Variants in HKDC1 observed in about 807,000 individuals in gnomAD.
HKDC1 encodes the protein hexokinase HKDC1.
HKDC1 carries 66 observed loss-of-function variants against 96.6 expected under a neutral mutation model. The ratio of observed to expected loss-of-function variants is 0.68; its 90% CI spans 0.56 to 0.84. HKDC1 has a LOEUF of 0.84. Ranked by LOEUF, HKDC1 falls within the 40% of genes least tolerant of loss-of-function variation. The pLI, the probability that HKDC1 is intolerant of heterozygous loss-of-function variation, is 0.00. For synonymous variants in HKDC1, 466 were observed against 473.1 expected, an observed-to-expected ratio of 0.98 and a Z score of 0.20; for missense variants, 1,211 against 1,208.1, an observed-to-expected ratio of 1.00 and a Z score of -0.04.
At chr10:69,265,564 T>C (rs1843882130) in intron 16 of HKDC1, 21 bp from the exon 17 acceptor site, 3 of 1,605,174 alleles carry the variant, frequency 1.9e-6, no homozygotes, top group Non-Finnish European at 2.6e-6. Flanking sequence ...AGGTCCTGAC[T>C]CCCTGCTCTA....
intron 5 of HKDC1, among the ~76,000 whole-genome samples, chr10:69,240,188 G>A (rs1843432177): frequency 6.6e-6 from 1 of 152,116 alleles, no homozygotes; most frequent in Non-Finnish European, 1.5e-5. Flanking sequence ...ATGTGTGCCT[G>A]TAGTCTCAGC....
chr10:69,226,502 A>T (rs879647451), intron 1 of HKDC1, among the ~76,000 whole-genome samples: 3 of 152,068 alleles, frequency 2.0e-5, no homozygotes, highest in East Asian at 1.9e-4. Context: ...AAAATAAAAA[A>T]AAATTAGTCG....
intron 4 of HKDC1, among the ~76,000 whole-genome samples, chr10:69,237,940 T>C (rs1843389220): frequency 6.6e-6 from 1 of 152,250 alleles, no homozygotes; most frequent in Non-Finnish European, 1.5e-5. Flanking sequence ...AGGAAGTTTG[T>C]GAGCCTGGGT....
intron 12 of HKDC1, among the ~76,000 whole-genome samples, chr10:69,254,630 A>AT (rs1479560509): frequency 6.6e-6 from 1 of 152,186 alleles, no homozygotes; most frequent in African/African-American, 2.4e-5. Flanking sequence ...AATAGAACTC[A>AT]TTTTATAGGT....
chr10:69,262,135 T>C (rs1238812324), intron 16 of HKDC1: 1 of 403,414 alleles, frequency 2.5e-6, no homozygotes, highest in South Asian at 1.9e-5. Flanking sequence ...ATTCCTGCAG[T>C]TATTAGCTGG....
In HKDC1 at chr10:69,232,808, C is replaced by T. The variant is rs374874844; in HGVS notation, c.271C>T (p.Arg91Ter). The part of the protein sequence containing the change: ...LSLDLGGSKF[R>*]VLKVQVAEEG... ...CCTGGATCTCGGAGGGTCCAAGTTC[C>T]GAGTGCTGAAGGTGCAAGTCGCTGA... Residue 91 changes from arginine (R) to a stop codon, truncating the protein, a stop_gained, in exon 3 of 18, where the codon CGA becomes TGA. Transcript: ENST00000354624. LOFTEE classifies it high-confidence loss of function. The T allele has an allele frequency of 1.1e-5, 17 of 1,613,916 alleles. No homozygotes were observed. The highest frequency in any genetic ancestry group is 6.7e-5 in the African/African-American group (5 of 74,892).
At chr10:69,257,691 G>GA (rs986003714) in intron 14 of HKDC1, among the ~76,000 whole-genome samples, 7 of 152,038 alleles carry the variant, frequency 4.6e-5, no homozygotes, top group African/African-American at 1.7e-4. Context: ...GTCATGGGGG[G>GA]GGGAAGGAGA....
chr10:69,240,752 G>A lies in HKDC1; in HGVS notation c.691+1G>A, dbSNP rs769623608. ...TACTGCGAAGTTGGTGTCATCATCG[G>A]TAACTCAATTGGACTGGTTTTTTGA... On this transcript the variant is annotated splice_donor_variant, in intron 6 of 17. Coordinates refer to ENST00000354624, the MANE Select transcript of HKDC1 (RefSeq NM_025130.4). LOFTEE classifies it high-confidence loss of function. 27 of 1,612,168 alleles carry A rather than the reference G, an allele frequency of 1.7e-5. No homozygotes were observed. Among genetic ancestry groups the A allele is most frequent in the Non-Finnish European group, 2.2e-5 (26 of 1,178,246 alleles).
intron 16 of HKDC1, among the ~76,000 whole-genome samples, chr10:69,264,975 G>C (rs959524748): frequency 2.0e-5 from 3 of 150,472 alleles, no homozygotes; most frequent in Non-Finnish European, 2.9e-5. Flanking sequence ...CCTTCTCTAA[G>C]GTTCTGATTG....
rs140884095 is a variant in HKDC1 at position 69,220,616 on chromosome 10, G to A, written c.63+118G>A. On this transcript the variant is annotated intron_variant, in intron 1 of 17. Transcript: ENST00000354624. ...GAGCTTATTAGAAAAGATACTGGGA[G>A]CATATGACCAGTAAAAGACTCACTG... 647 of 638,092 alleles carry A rather than the reference G, an allele frequency of 1.0e-3. 1 individual carries two copies. The highest frequency in any genetic ancestry group is 1.5e-3 in the Middle Eastern group (5 of 3,284). The allele number at this position is 638,092 out of a possible 1,614,324, so 39.5% of individuals were successfully genotyped here. A position where few individuals can be genotyped will look rare whatever the true frequency, so the allele number is the denominator to read the frequency against.
In HKDC1 at chr10:69,246,294, G is replaced by A. The variant is rs565031020; in HGVS notation, c.1031+60G>A. The A allele has an allele frequency of 3.8e-6, 6 of 1,578,250 alleles. No homozygotes were observed. The East Asian group carries it at 9.0e-5, about 24-fold the overall frequency. On this transcript the variant is annotated intron_variant, in intron 8 of 17. Coordinates refer to ENST00000354624, the MANE Select transcript of HKDC1 (RefSeq NM_025130.4). ...GCTGGGATGGGAGGCCCAGGTGTGG[G>A]GTGCTCCATGTGGTAGGACAGCAGG...
At chr10:69,238,977 T>C in intron 4 of HKDC1, 65 bp from the exon 5 acceptor site, 2 of 1,170,588 alleles carry the variant, frequency 1.7e-6, no homozygotes, top group Non-Finnish European at 2.5e-6. Flanking sequence ...GCATGAAGTT[T>C]CTGCGGCTCA....
In HKDC1 at chr10:69,243,303, G is replaced by A; in HGVS notation, c.813G>A (p.Glu271=). 6.2e-7 allele frequency: 1 copy of A among 1,613,500 alleles called. No homozygotes were observed. Among genetic ancestry groups the A allele is most frequent in the Non-Finnish European group, 8.5e-7 (1 of 1,179,720 alleles). The change falls in exon 7 of 18, where the codon GAG becomes GAA. Residue 271 remains glutamate, a synonymous_variant. Coordinates refer to ENST00000354624, the MANE Select transcript of HKDC1 (RefSeq NM_025130.4). ...CCTTCGGGGACGACGGGGCCCTGGAGGACATTCGCACTGAGTTCGACAGGG... is the reference window on the plus strand; with the variant it reads ...CCTTCGGGGACGACGGGGCCCTGGAAGACATTCGCACTGAGTTCGACAGGG... ...WGAFGDDGAL[E]DIRTEFDREL...
Position 69,262,284 on chromosome 10 carries a change from T to C in HKDC1, c.2372+990T>C, listed in dbSNP as rs139447699. Reference sequence around the variant, plus strand: ...AATATAGGATGTCTAGTTTGTAATTTATAAATTCCTGTTATTCTGAGTAAC... The same window carrying C: ...AATATAGGATGTCTAGTTTGTAATTCATAAATTCCTGTTATTCTGAGTAAC... On this transcript the variant is annotated intron_variant, in intron 16 of 17. Transcript: ENST00000354624. Among the ~76,000 whole-genome samples, 935 of 152,380 alleles carry C rather than the reference T, an allele frequency of 6.1e-3. 3 individuals are homozygous for C. The highest frequency in any genetic ancestry group is 0.011 in the Admixed American group (175 of 15,312).
In HKDC1 at chr10:69,257,412, T is replaced by C. The variant is rs371588891; in HGVS notation, c.2018T>C (p.Ile673Thr). 3.7e-6 allele frequency: 6 copies of C among 1,612,502 alleles called. No homozygotes were observed. Among genetic ancestry groups the C allele is most frequent in the South Asian group, 3.3e-5 (3 of 91,060 alleles). The change falls in exon 14 of 18, where the codon ATT becomes ACT. Residue 673 changes from isoleucine to threonine, a missense_variant. Ile to Thr is a moderately conservative substitution (Grantham distance 89). Transcript: ENST00000354624. ...TCGYEDPNCE[I>T]GLIAGTGSNM... ...GGCTATGAAGATCCTAATTGTGAGA[T>C]TGGCCTGATTGCAGGTAGGTGGTCA...
chr10:69,238,197 G>A (rs1205315605), intron 4 of HKDC1, among the ~76,000 whole-genome samples: 2 of 152,188 alleles, frequency 1.3e-5, no homozygotes, highest in African/African-American at 2.4e-5. Context: ...ACCTGCCTCA[G>A]GCTCCCAAGT....
intron 12 of HKDC1, among the ~76,000 whole-genome samples, chr10:69,255,745 C>T (rs1287173612): frequency 6.6e-6 from 1 of 151,936 alleles, no homozygotes; most frequent in African/African-American, 2.4e-5. Context: ...GATGAAACCT[C>T]GTCTCTACTA....
At chr10:69,249,400 C>G (rs1163542745) in intron 10 of HKDC1, among the ~76,000 whole-genome samples, 2 of 152,220 alleles carry the variant, frequency 1.3e-5, no homozygotes, top group Non-Finnish European at 2.9e-5. Context: ...GATGCCATAC[C>G]TGAGACTTAC....
Position 69,230,023 on chromosome 10 carries a change from G to A in HKDC1, c.226+2654G>A, listed in dbSNP as rs16926175. Reference sequence around the variant, plus strand: ...ACTCTCCTAATTCCTTATGGTGTCCGTTTCAGAAATGTATGCAGCTTCCAG... The same window carrying A: ...ACTCTCCTAATTCCTTATGGTGTCCATTTCAGAAATGTATGCAGCTTCCAG... On this transcript the variant is annotated intron_variant, in intron 2 of 17. Coordinates refer to ENST00000354624, the MANE Select transcript of HKDC1 (RefSeq NM_025130.4). Among the ~76,000 whole-genome samples, 15 of 152,158 alleles carry A rather than the reference G, an allele frequency of 9.9e-5. 1 individual carries two copies. The highest frequency in any genetic ancestry group is 2.4e-4 in the African/African-American group (10 of 41,440).
Sources: allele counts gnomAD v4.1 joint callset (sites outside exome capture counted in the v4.1 genomes callset), GRCh38; gene constraint gnomAD v4.1.1; transcripts MANE v1.5; gene names NCBI Gene and HGNC (gene_info 2026-07-23, HGNC 2026-07-21).